Variants in CERS6 observed in about 807,000 individuals in gnomAD.
The protein encoded by CERS6 is LAG1 homolog, ceramide synthase 6.
CERS6 carries 26 observed loss-of-function variants against 56.8 expected under a neutral mutation model. That is an observed-to-expected ratio of 0.46 (90% CI 0.34 to 0.63). The LOEUF (loss-of-function observed/expected upper bound fraction) is 0.63, where lower values mean the gene tolerates loss of function less well. Among genes scored for constraint, CERS6 ranks in the 30% least tolerant of loss-of-function variants. The pLI, the probability that CERS6 is intolerant of heterozygous loss-of-function variation, is 0.01. For synonymous variants in CERS6, 164 were observed against 173.3 expected (o/e 0.95, Z 0.42); for missense variants, 415 against 467.5 (o/e 0.89, Z 1.04).
intron 1 of CERS6, among the ~76,000 whole-genome samples, chr2:168,506,739 A>C (rs1274835856): frequency 6.6e-6 from 1 of 152,172 alleles, no homozygotes; most frequent in Non-Finnish European, 1.5e-5. Context: ...AGTAACTTTC[A>C]CAAGCAGTAA....
chr2:168,645,907 A>C (rs1269100701), intron 4 of CERS6, among the ~76,000 whole-genome samples: 1 of 152,196 alleles, frequency 6.6e-6, no homozygotes, highest in Non-Finnish European at 1.5e-5. Flanking sequence ...TCCTTGGTGT[A>C]TACAAACCAC....
chr2:168,711,617 C>G (rs1300223513), intron 6 of CERS6, among the ~76,000 whole-genome samples: 1 of 151,642 alleles, frequency 6.6e-6, no homozygotes, highest in Non-Finnish European at 1.5e-5. Flanking sequence ...ACCTGTAATC[C>G]CAGCTACTTG....
At chr2:168,465,816 A>G (rs972700335) in intron 1 of CERS6, among the ~76,000 whole-genome samples, 2 of 152,164 alleles carry the variant, frequency 1.3e-5, no homozygotes, top group Admixed American at 6.5e-5. Flanking sequence ...ACTTAATGAC[A>G]TAGAACAGTG....
intron 1 of CERS6, among the ~76,000 whole-genome samples, chr2:168,460,667 GT>G (rs1358659351): frequency 6.6e-6 from 1 of 152,310 alleles, no homozygotes; most frequent in East Asian, 1.9e-4. Flanking sequence ...CAATTGTTCC[GT>G]TTCCTTAGAC....
intron 1 of CERS6, among the ~76,000 whole-genome samples, chr2:168,542,605 A>G (rs1477347872): frequency 1.3e-5 from 2 of 152,236 alleles, no homozygotes; most frequent in Non-Finnish European, 2.9e-5. Context: ...AGTAGTTAGA[A>G]CAATGACATA....
chr2:168,651,232 T>G (rs1685333371), intron 4 of CERS6, among the ~76,000 whole-genome samples: 1 of 152,136 alleles, frequency 6.6e-6, no homozygotes, highest in Admixed American at 6.6e-5. Flanking sequence ...TTTACCTGGG[T>G]TTTCATGTCT....
chr2:168,517,756 A>T (rs535991170), intron 1 of CERS6, among the ~76,000 whole-genome samples: 4 of 152,264 alleles, frequency 2.6e-5, no homozygotes, highest in East Asian at 1.9e-4. Context: ...AATTAATTTT[A>T]AAAAACCATA....
chr2:168,500,625 A>G (rs1271970930), intron 1 of CERS6, among the ~76,000 whole-genome samples: 2 of 152,212 alleles, frequency 1.3e-5, no homozygotes, highest in African/African-American at 4.8e-5. Flanking sequence ...TTAATGCCAT[A>G]AGAGCAAAGG....
intron 3 of CERS6, among the ~76,000 whole-genome samples, chr2:168,613,836 C>G (rs1684244956): frequency 6.6e-6 from 1 of 152,156 alleles, no homozygotes. Context: ...CACTGTCTTC[C>G]CATGCTCTTA....
At chr2:168,706,979 A>G (rs763903394) in intron 6 of CERS6, among the ~76,000 whole-genome samples, 3 of 152,370 alleles carry the variant, frequency 2.0e-5, no homozygotes, top group Non-Finnish European at 4.4e-5. Context: ...GCTGTATTCC[A>G]ATAAAACTTT....
At chr2:168,735,880 CA>C (rs145418479) in intron 8 of CERS6, among the ~76,000 whole-genome samples, 23 of 106,566 alleles carry the variant, frequency 2.2e-4, no homozygotes, top group Admixed American at 3.2e-4. Context: ...GACCCTGTCT[CA>C]AAAAAAAAAA....
chr2:168,664,835 T>C (rs1574141196), intron 4 of CERS6, among the ~76,000 whole-genome samples: 1 of 152,200 alleles, frequency 6.6e-6, no homozygotes, highest in Non-Finnish European at 1.5e-5. Context: ...TGACTTAGAA[T>C]GCCTTAACCG....
chr2:168,719,131 C>A (rs563371893), intron 8 of CERS6, among the ~76,000 whole-genome samples: 10 of 152,282 alleles, frequency 6.6e-5, no homozygotes, highest in African/African-American at 2.4e-4. Flanking sequence ...TGCTGCATTA[C>A]CAGCACTGAG....
At chr2:168,654,056 A>T (rs890506463) in intron 4 of CERS6, among the ~76,000 whole-genome samples, 3 of 152,198 alleles carry the variant, frequency 2.0e-5, no homozygotes, top group African/African-American at 7.2e-5. Context: ...ATAAACTGAG[A>T]TTCCTCATGC....
At chr2:168,682,016 T>C (rs1686229790) in intron 4 of CERS6, among the ~76,000 whole-genome samples, 1 of 152,220 alleles carries the variant, frequency 6.6e-6, no homozygotes, top group Non-Finnish European at 1.5e-5. Flanking sequence ...TACATACCAT[T>C]TTTAAAATCT....
intron 3 of CERS6, among the ~76,000 whole-genome samples, chr2:168,577,835 T>C (rs1683314976): frequency 6.6e-6 from 1 of 152,166 alleles, no homozygotes; most frequent in South Asian, 2.1e-4. Flanking sequence ...GGAGAAAGTG[T>C]GAAACAATTT....
intron 3 of CERS6, among the ~76,000 whole-genome samples, chr2:168,563,506 C>A: frequency 6.6e-6 from 1 of 151,856 alleles, no homozygotes; most frequent in East Asian, 1.9e-4. Flanking sequence ...TAGAAAATAA[C>A]CAGATATGGG....
At chr2:168,652,787 A>T (rs2105319112) in intron 4 of CERS6, among the ~76,000 whole-genome samples, 1 of 151,034 alleles carries the variant, frequency 6.6e-6, no homozygotes, top group South Asian at 2.1e-4. Context: ...CTTCTGTCTT[A>T]AAAAAAATCA....
intron 1 of CERS6, among the ~76,000 whole-genome samples, chr2:168,521,499 A>T (rs1484038246): frequency 6.6e-6 from 1 of 152,040 alleles, no homozygotes; most frequent in East Asian, 1.9e-4. Context: ...GTGGAAGAAG[A>T]GGAGGAGGGG....
Sources: allele counts gnomAD v4.1 joint callset (sites outside exome capture counted in the v4.1 genomes callset), GRCh38; gene constraint gnomAD v4.1.1; transcripts MANE v1.5; gene names NCBI Gene and HGNC (gene_info 2026-07-23, HGNC 2026-07-21).